The following CEP70 variants were observed in gnomAD, a reference collection of about 807,000 sequenced individuals.
The protein encoded by CEP70 is centrosomal protein of 70 kDa.
CEP70 carries 70 observed loss-of-function variants against 90.9 expected under a neutral mutation model. The ratio of observed to expected loss-of-function variants is 0.77; its 90% CI spans 0.64 to 0.94. The LOEUF (loss-of-function observed/expected upper bound fraction) is 0.94, where lower values mean the gene tolerates loss of function less well. Among genes scored for constraint, CEP70 ranks in the 40% least tolerant of loss-of-function variants. The pLI is 0.00. For synonymous variants in CEP70, 220 were observed against 228.3 expected (o/e 0.96, Z 0.33); for missense variants, 648 against 669.0 (o/e 0.97, Z 0.35).
intron 11 of CEP70, among the ~76,000 whole-genome samples, chr3:138,518,654 A>G (rs1324252886): frequency 6.6e-6 from 1 of 152,220 alleles, no homozygotes; most frequent in African/African-American, 2.4e-5. Context: ...ACAAACAGGA[A>G]GGACATCCAC....
At chr3:138,546,375 T>A (rs1028339130) in intron 6 of CEP70, among the ~76,000 whole-genome samples, 1 of 152,244 alleles carries the variant, frequency 6.6e-6, no homozygotes, top group Non-Finnish European at 1.5e-5. Flanking sequence ...TCTCTTGTCA[T>A]CAGCAAGATA....
chr3:138,504,556 C>T (rs562281549), intron 13 of CEP70, among the ~76,000 whole-genome samples: 3 of 152,266 alleles, frequency 2.0e-5, no homozygotes, highest in African/African-American at 7.2e-5. Context: ...TATTGAATCA[C>T]ATTTTCATTA....
chr3:138,509,418 G>A (rs1000102623), intron 11 of CEP70, among the ~76,000 whole-genome samples: 9 of 152,252 alleles, frequency 5.9e-5, no homozygotes, highest in Admixed American at 5.2e-4. Flanking sequence ...ATTATTCCAG[G>A]TGGCTACTAG....
Position 138,500,125 on chromosome 3 carries a change from G to C in CEP70, c.1637C>G (p.Pro546Arg). The change falls in exon 16 of 18, where the codon CCT (proline) becomes CGT (arginine). Residue 546 changes from proline to arginine, a missense_variant. Coordinates refer to ENST00000264982, the MANE Select transcript of CEP70 (RefSeq NM_024491.4). ...VNEQVMQVLG[P>R]EDLQSIIYKL... is the part of the protein sequence containing the mutation. The stretch of plus-strand genomic sequence containing the variant: ...AAACAAATACCTCTGGAGGTCTTCA[G>C]GTCCTAATACCTGCATAACCTGCTC... 6.2e-7 allele frequency: 1 copy of C among 1,610,630 alleles called. No individual in the cohort carries two copies. The highest frequency in any genetic ancestry group is 1.1e-5 in the South Asian group (1 of 90,998).
At chr3:138,587,993 AC>A (rs2042187581) in intron 2 of CEP70, among the ~76,000 whole-genome samples, 1 of 152,110 alleles carries the variant, frequency 6.6e-6, no homozygotes, top group Non-Finnish European at 1.5e-5. Flanking sequence ...AGCAGGAAAA[AC>A]GATAGTTTTT....
intron 11 of CEP70, among the ~76,000 whole-genome samples, chr3:138,511,628 A>C (rs1162964960): frequency 6.6e-6 from 1 of 152,226 alleles, no homozygotes; most frequent in Non-Finnish European, 1.5e-5. Flanking sequence ...TGGGAAATGA[A>C]ATGTGATTTC....
chr3:138,556,069 C>T (rs13067864), intron 6 of CEP70, among the ~76,000 whole-genome samples: 19,762 of 152,128 alleles, frequency 0.13, 2,714 homozygotes, highest in East Asian at 0.38. Flanking sequence ...TATACATACA[C>T]GATGGAATAC....
chr3:138,529,822 C>T (rs1366689300), intron 8 of CEP70, among the ~76,000 whole-genome samples: 1 of 152,170 alleles, frequency 6.6e-6, no homozygotes, highest in Non-Finnish European at 1.5e-5. Context: ...TTAAAAAATG[C>T]ATTCTCCACA....
At chr3:138,509,320 T>A (rs1413734863) in intron 11 of CEP70, among the ~76,000 whole-genome samples, 1 of 152,146 alleles carries the variant, frequency 6.6e-6, no homozygotes, top group Non-Finnish European at 1.5e-5. Flanking sequence ...AGACGTTTGG[T>A]CCCTCTCTCT....
chr3:138,529,499 C>A, intron 8 of CEP70, 37 bp from the exon 9 acceptor site: 1 of 1,304,614 alleles, frequency 7.7e-7, no homozygotes, highest in South Asian at 1.3e-5. Context: ...TATGAAAAAT[C>A]TATCTTCAAA....
At chr3:138,497,007 T>C in intron 17 of CEP70, 1 of 993,802 alleles carries the variant, frequency 1.0e-6, no homozygotes. Context: ...AATCATATTA[T>C]TCTATGAAAC....
intron 6 of CEP70, among the ~76,000 whole-genome samples, chr3:138,559,854 G>C (rs2040273451): frequency 6.6e-6 from 1 of 152,188 alleles, no homozygotes; most frequent in Non-Finnish European, 1.5e-5. Context: ...ATGAATCCAA[G>C]AGACAATGGA....
intron 2 of CEP70, among the ~76,000 whole-genome samples, chr3:138,582,722 C>A (rs1274885150): frequency 6.6e-6 from 1 of 151,948 alleles, no homozygotes; most frequent in Non-Finnish European, 1.5e-5. Flanking sequence ...CATAATCATG[C>A]CACTGCACTC....
Position 138,505,312 on chromosome 3 carries a change from G to T in CEP70, c.1204C>A (p.Gln402Lys). 1 of 1,609,070 alleles carries T rather than the reference G, an allele frequency of 6.2e-7. No individual in the cohort carries two copies. The highest frequency in any genetic ancestry group is 8.5e-7 in the Non-Finnish European group (1 of 1,177,862). Residue 402 changes from glutamine (Q) to lysine (K), a missense_variant, in exon 13 of 18, where the codon CAA (glutamine) becomes AAA (lysine). Transcript: ENST00000264982. ...CCCCTTACCTTTAAGGATGTCAGTTGATCTGCCCACATTTCTATTACAGGA... is the reference window on the plus strand; with the variant it reads ...CCCCTTACCTTTAAGGATGTCAGTTTATCTGCCCACATTTCTATTACAGGA... The part of the protein sequence containing the change: ...LVPVIEMWAD[Q>K]LTSLKDLYKS...
chr3:138,566,540 C>T (rs1248035808), intron 6 of CEP70, among the ~76,000 whole-genome samples: 1 of 151,976 alleles, frequency 6.6e-6, no homozygotes, highest in African/African-American at 2.4e-5. Flanking sequence ...AACCATTATT[C>T]TGAGCAAACT....
At chr3:138,589,506 A>G (rs905078366) in intron 2 of CEP70, among the ~76,000 whole-genome samples, 6 of 151,786 alleles carry the variant, frequency 4.0e-5, no homozygotes, top group Non-Finnish European at 8.8e-5. Flanking sequence ...AAAAAAAAAA[A>G]AATTAGCTGG....
At chr3:138,535,082 T>C (rs2038148841) in intron 7 of CEP70, among the ~76,000 whole-genome samples, 1 of 152,182 alleles carries the variant, frequency 6.6e-6, no homozygotes. Flanking sequence ...CTTCGGCCAA[T>C]TTAAGTCTCT....
At chr3:138,565,265 A>G (rs2040700567) in intron 6 of CEP70, among the ~76,000 whole-genome samples, 1 of 152,226 alleles carries the variant, frequency 6.6e-6, no homozygotes, top group South Asian at 2.1e-4. Context: ...AAATGGCCAT[A>G]TTGCCCAAAG....
chr3:138,511,163 G>GC (rs151148777), intron 11 of CEP70, among the ~76,000 whole-genome samples: 9,654 of 151,996 alleles, frequency 0.064, 907 homozygotes, highest in African/African-American at 0.21. Context: ...GAGCCACCGT[G>GC]CCCCCCCAGT....
Sources: allele counts gnomAD v4.1 joint callset (sites outside exome capture counted in the v4.1 genomes callset), GRCh38; gene constraint gnomAD v4.1.1; transcripts MANE v1.5; gene names NCBI Gene and HGNC (gene_info 2026-07-23, HGNC 2026-07-21).